LLGL1: variants seen among roughly 807,000 people sequenced by gnomAD.
LLGL1 encodes the protein lethal(2) giant larvae protein homolog 1.
Under a neutral mutation model 110.6 loss-of-function variants are expected in LLGL1, and 58 were observed. The ratio of observed to expected loss-of-function variants is 0.52; its 90% confidence interval spans 0.42 to 0.65. The LOEUF is 0.65. LLGL1 is among the 30% of genes least tolerant of loss of function. LLGL1 has a pLI of 0.00. For missense variants in LLGL1, 1,229 were observed against 1,462.1 expected (o/e 0.84, Z 2.60); for synonymous variants, 674 against 607.2 (o/e 1.11, Z -1.62).
chr17:18,229,244 G>A (rs1005139830), intron 1 of LLGL1, among the ~76,000 whole-genome samples: 1 of 152,004 alleles, frequency 6.6e-6, no homozygotes, highest in African/African-American at 2.4e-5. Flanking sequence ...CTGTTTCATC[G>A]ACACTCTGGG....
chr17:18,230,256 G>A (rs959819262), intron 2 of LLGL1, among the ~76,000 whole-genome samples: 1 of 152,146 alleles, frequency 6.6e-6, no homozygotes, highest in African/African-American at 2.4e-5. Context: ...GACGGGTGGT[G>A]GGGGGTCAGT....
At chr17:18,239,777 A>G (rs1299255856) in intron 16 of LLGL1, among the ~76,000 whole-genome samples, 1 of 151,904 alleles carries the variant, frequency 6.6e-6, no homozygotes, top group Non-Finnish European at 1.5e-5. Context: ...TTTGACTACA[A>G]AGACCTAGAA....
chr17:18,231,894 G>GT (rs2047579060), intron 2 of LLGL1, among the ~76,000 whole-genome samples: 1 of 152,166 alleles, frequency 6.6e-6, no homozygotes, highest in Admixed American at 6.5e-5. Context: ...TCCTGACCTT[G>GT]TGATCTACCT....
At chr17:18,242,422 G>A (rs1286978222) in intron 20 of LLGL1, 86 bp from the exon 21 acceptor site, 1 of 1,585,570 alleles carries the variant, frequency 6.3e-7, no homozygotes, top group Non-Finnish European at 8.6e-7. Context: ...CTCACCATGG[G>A]CTGCCTTATG....
intron 2 of LLGL1, among the ~76,000 whole-genome samples, chr17:18,231,766 T>A (rs1404017889): frequency 6.6e-6 from 1 of 152,200 alleles, no homozygotes; most frequent in African/African-American, 2.4e-5. Flanking sequence ...GTTCAAGCAG[T>A]TCTCTGCCTC....
In LLGL1 at chr17:18,242,507, G is replaced by C; in HGVS notation, c.2996-1G>C. 1.2e-6 allele frequency: 2 copies of C among 1,613,974 alleles called. No individual in the cohort carries two copies. Among genetic ancestry groups the C allele is most frequent in the Non-Finnish European group, 1.7e-6 (2 of 1,179,950 alleles). ...AGGGGCTGATGACTTGCTCCCTGTA[G>C]ACACCCCGGAGCCACCCGAGGCTGC... On this transcript the variant is annotated splice_acceptor_variant, in intron 20 of 22. Coordinates refer to ENST00000316843, the MANE Select transcript of LLGL1 (RefSeq NM_004140.4). LOFTEE classifies it high-confidence loss of function.
At chr17:18,235,814 G>A in intron 11 of LLGL1, 1 of 488,532 alleles carries the variant, frequency 2.0e-6, no homozygotes, top group Non-Finnish European at 3.7e-6. Flanking sequence ...ATCTGGGCTG[G>A]CCCACGCTGA....
chr17:18,234,221 A>C, intron 6 of LLGL1, 46 bp downstream of exon 6: 1 of 1,597,206 alleles, frequency 6.3e-7, no homozygotes, highest in Non-Finnish European at 8.5e-7. Flanking sequence ...CCCCTTGTGC[A>C]TGCCCACCAT....
At position 18,238,570 on chromosome 17, in the gene LLGL1, G is replaced by A. The variant is rs1054009589; in HGVS notation, c.2167G>A (p.Val723Met). Residue 723 changes from valine (V) to methionine (M), a missense_variant, in exon 16 of 23, where the codon GTG becomes ATG. Val to Met is a conservative substitution (Grantham distance 21). Coordinates refer to ENST00000316843, the MANE Select transcript of LLGL1 (RefSeq NM_004140.4). ...TGCCGATGACTCCTTGTCGGGTGTCGTGCGTTGCCTATACTTTGCCGACAC... is the reference window on the plus strand; with the variant it reads ...TGCCGATGACTCCTTGTCGGGTGTCATGCGTTGCCTATACTTTGCCGACAC... ...RSADDSLSGVVRCLYFADTFL... is the reference protein window; with the variant it reads ...RSADDSLSGVMRCLYFADTFL... 4.3e-6 allele frequency: 7 copies of A among 1,612,818 alleles called. No homozygotes were observed. The African/African-American group carries it at 8.0e-5, about 18-fold the overall frequency.
chr17:18,235,183 A>G lies in LLGL1; in HGVS notation c.1155A>G (p.Pro385=), dbSNP rs1035450777. The G allele has an allele frequency of 1.2e-6, 2 of 1,612,820 alleles. No individual in the cohort carries two copies. The highest frequency in any genetic ancestry group is 1.7e-6 in the Non-Finnish European group (2 of 1,180,002). Residue 385 remains proline, a synonymous_variant, in exon 10 of 23, where the codon CCA becomes CCG. Coordinates refer to ENST00000316843, the MANE Select transcript of LLGL1 (RefSeq NM_004140.4). ...CTGGCTGGCCAGCTGTGCCTGCCCCATACCTGGCCCCGCTGCACTCCTCTG... is the reference window on the plus strand; with the variant it reads ...CTGGCTGGCCAGCTGTGCCTGCCCCGTACCTGGCCCCGCTGCACTCCTCTG... ...QTPGWPAVPA[P]YLAPLHSSAI... is the part of the protein sequence containing the mutation.
chr17:18,228,930 C>T (rs533183010), intron 1 of LLGL1, among the ~76,000 whole-genome samples: 2 of 151,702 alleles, frequency 1.3e-5, no homozygotes, highest in East Asian at 3.9e-4. Flanking sequence ...CAGTCCCCAC[C>T]TGGATGGGCA....
chr17:18,225,916 T>G (rs1597853385), intron 1 of LLGL1, among the ~76,000 whole-genome samples, 153 bp downstream of exon 1: 15 of 149,602 alleles, frequency 1.0e-4, no homozygotes, highest in Admixed American at 9.3e-4. Flanking sequence ...GCGCACCCCC[T>G]CGGCGGGCCC....
chr17:18,242,274 A>G lies in LLGL1; in HGVS notation c.2991A>G (p.Gly997=), dbSNP rs748773880. 1 of 1,612,952 alleles carries G rather than the reference A, an allele frequency of 6.2e-7. No homozygotes were observed. The highest frequency in any genetic ancestry group is 1.3e-5 in the African/African-American group (1 of 74,970). The change falls in exon 20 of 23, where the codon GGA becomes GGG. Residue 997 remains glycine (G), a synonymous_variant. Transcript: ENST00000316843. ...DGSPDPAHSM[G]PDTPEPPEAA... is the part of the protein sequence containing the mutation. ...GCCCTGATCCAGCCCACAGCATGGG[A>G]CCTGGTGAGGGGGGCATGAAAGGGG...
chr17:18,242,655 G>A (rs1431879105), intron 21 of LLGL1, 27 bp downstream of exon 21: 2 of 1,589,394 alleles, frequency 1.3e-6, no homozygotes, highest in Non-Finnish European at 1.7e-6. Flanking sequence ...GGTCCACAGG[G>A]GGGGCTGCCC....
rs766623464 is a variant in LLGL1, at chr17:18,238,116, C to G, written c.1954C>G (p.Arg652Gly). The G allele has an allele frequency of 6.2e-7, 1 of 1,613,800 alleles. No homozygotes were observed. Among genetic ancestry groups the G allele is most frequent in the Non-Finnish European group, 8.5e-7 (1 of 1,179,978 alleles). ...DSLAMEGPLS[R>G]VKSLKKSLRQ... ...CCTGGCCATGGAGGGTCCGCTCTCCCGGGTGAAGTCTCTCAAGAAGTCACT... is the reference window on the plus strand; with the variant it reads ...CCTGGCCATGGAGGGTCCGCTCTCCGGGGTGAAGTCTCTCAAGAAGTCACT... Residue 652 changes from arginine (R) to glycine (G), a missense_variant, in exon 15 of 23, where the codon CGG becomes GGG. Transcript: ENST00000316843.
Position 18,232,810 on chromosome 17 carries a change from A to G in LLGL1, c.392+8A>G. On this transcript the variant is annotated splice_region_variant and intron_variant, in intron 4 of 22. Coordinates refer to ENST00000316843, the MANE Select transcript of LLGL1 (RefSeq NM_004140.4). ...CGGCTTTGATGGTGCCAGGTACTGG[A>G]GAACTTGGCTGGGGCCAGCCACCGG... The G allele has an allele frequency of 6.2e-7, 1 of 1,613,734 alleles. No homozygotes were observed. The highest frequency in any genetic ancestry group is 8.5e-7 in the Non-Finnish European group (1 of 1,179,982).
In LLGL1 at chr17:18,232,666, C is replaced by T. The variant is rs1302608964; in HGVS notation, c.262-6C>T. The T allele has an allele frequency of 1.2e-6, 2 of 1,614,072 alleles. No homozygotes were observed. Among genetic ancestry groups the T allele is most frequent in the Non-Finnish European group, 1.7e-6 (2 of 1,180,012 alleles). On this transcript the variant is annotated splice_polypyrimidine_tract_variant and splice_region_variant and intron_variant, in intron 3 of 22. Coordinates refer to ENST00000316843, the MANE Select transcript of LLGL1 (RefSeq NM_004140.4). ...AGCCTAGTTTTCATCTCTGCTCACA[C>T]ACCAGGGCCGCCTCCTGTCCCTGCT...
rs536563008 is a variant in LLGL1 at position 18,237,742 on chromosome 17, G to A, written c.1873G>A (p.Asp625Asn). Residue 625 changes from aspartate (D) to asparagine (N), a missense_variant, in exon 14 of 23, where the codon GAC becomes AAC. By Grantham distance (23) the Asp-to-Asn change is conservative. Transcript: ENST00000316843. ...FGTSHGFGLF[D>N]YQRKSPVLAR... ...CACCAGTCATGGCTTTGGCCTCTTC[G>A]ACTACCAGCGCAAGAGCCCTGTGCT... The A allele has an allele frequency of 1.7e-5, 28 of 1,611,090 alleles. No homozygotes were observed. Among genetic ancestry groups the A allele is most frequent in the African/African-American group, 9.3e-5 (7 of 75,030 alleles).
Position 18,236,785 on chromosome 17 carries a change from G to A in LLGL1, c.1506+25G>A. On this transcript the variant is annotated intron_variant, in intron 12 of 22. Transcript: ENST00000316843. ...GGTGGGCCCCTCCCCTGGCCCTGAT[G>A]AGCTGGTCCTGACCCCGCCTGGACT... The A allele has an allele frequency of 1.9e-6, 3 of 1,612,622 alleles. No individual in the cohort carries two copies. The South Asian group carries it at 3.3e-5, about 18-fold the overall frequency.
Sources: gnomAD v4.1 joint callset for allele counts (sites outside exome capture counted in the v4.1 genomes callset) on GRCh38, gnomAD v4.1.1 for gene constraint, MANE v1.5 for transcripts, NCBI Gene and HGNC (gene_info 2026-07-23, HGNC 2026-07-21) for gene names.